DNASE2B: variants seen among roughly 807,000 people sequenced by gnomAD.
DNASE2B encodes the protein deoxyribonuclease-2-beta.
A neutral mutation model predicts 46.0 loss-of-function variants in DNASE2B; 43 were observed. The ratio of observed to expected loss-of-function variants is 0.94; its 90% CI spans 0.73 to 1.21. The LOEUF is 1.21. Among genes scored for constraint, DNASE2B ranks in the 50% most tolerant of loss-of-function variants. DNASE2B has a pLI of 0.00. For synonymous variants in DNASE2B, 156 were observed against 152.5 expected (o/e 1.02, Z -0.17); for missense variants, 395 against 414.4 (o/e 0.95, Z 0.41).
At chr1:84,409,732 C>T (rs942988266) in intron 3 of DNASE2B, among the ~76,000 whole-genome samples, 1 of 152,188 alleles carries the variant, frequency 6.6e-6, no homozygotes, top group African/African-American at 2.4e-5. Context: ...TGCTAACTGC[C>T]ACAAGGCTTT....
intron 1 of DNASE2B, among the ~76,000 whole-genome samples, chr1:84,399,036 T>C (rs191367113): frequency 6.6e-6 from 1 of 152,346 alleles, no homozygotes; most frequent in East Asian, 1.9e-4. Flanking sequence ...TCCAACATCC[T>C]TTGAAAGACT....
chr1:84,405,500 T>C (rs1273793922), intron 2 of DNASE2B, among the ~76,000 whole-genome samples: 1 of 152,178 alleles, frequency 6.6e-6, no homozygotes, highest in Non-Finnish European at 1.5e-5. Context: ...TATCAAGCAA[T>C]TCAACATCTT....
At chr1:84,411,562 C>G (rs1034015013) in intron 4 of DNASE2B, among the ~76,000 whole-genome samples, 1 of 151,616 alleles carries the variant, frequency 6.6e-6, no homozygotes, top group Non-Finnish European at 1.5e-5. Context: ...GTTTTCCAGG[C>G]CACATGTTCC....
At chr1:84,412,652 A>T (rs1680621721) in intron 5 of DNASE2B, 106 bp downstream of exon 5, 4 of 1,130,244 alleles carry the variant, frequency 3.5e-6, no homozygotes, top group Non-Finnish European at 4.8e-6. Flanking sequence ...AGAGATGAAA[A>T]AAGGGAGCAA....
intron 5 of DNASE2B, among the ~76,000 whole-genome samples, chr1:84,414,223 TA>T (rs1680652160): frequency 6.6e-6 from 1 of 152,200 alleles, no homozygotes; most frequent in Non-Finnish European, 1.5e-5. Flanking sequence ...ATTCCTTCTC[TA>T]GACTAATTTT....
chr1:84,414,584 T>A lies in DNASE2B; in HGVS notation c.802T>A (p.Trp268Arg). ...RLKTHLLTET[W>R]QRKRQELPSN... ...GAAGACACACTTGTTAACAGAAACC[T>A]GGCAGCGAAAAAGACAAGAGCTTCC... Residue 268 changes from tryptophan to arginine, a missense_variant, in exon 6 of 6, where the codon TGG (tryptophan) becomes AGG (arginine). Coordinates refer to ENST00000370665, the MANE Select transcript of DNASE2B (RefSeq NM_021233.3). The A allele has an allele frequency of 6.2e-7, 1 of 1,614,136 alleles. No homozygotes were observed. The highest frequency in any genetic ancestry group is 8.5e-7 in the Non-Finnish European group (1 of 1,180,004).
chr1:84,410,236 T>C (rs904482670), intron 3 of DNASE2B, among the ~76,000 whole-genome samples: 1 of 152,228 alleles, frequency 6.6e-6, no homozygotes, highest in Non-Finnish European at 1.5e-5. Context: ...GGCTTTCAAG[T>C]TGTTTATTTT....
At chr1:84,403,744 G>A (rs976701345) in intron 2 of DNASE2B, among the ~76,000 whole-genome samples, 1 of 151,944 alleles carries the variant, frequency 6.6e-6, no homozygotes, top group African/African-American at 2.4e-5. Context: ...TTCAGTGCCC[G>A]TATCACAGAA....
chr1:84,406,434 G>A (rs1680491987), intron 2 of DNASE2B, among the ~76,000 whole-genome samples: 1 of 152,054 alleles, frequency 6.6e-6, no homozygotes, highest in Admixed American at 6.6e-5. Flanking sequence ...ACCCTAGCAG[G>A]GAGACACAGT....
At chr1:84,412,133 T>A (rs748038102) in intron 4 of DNASE2B, among the ~76,000 whole-genome samples, 1 of 152,202 alleles carries the variant, frequency 6.6e-6, no homozygotes, top group Non-Finnish European at 1.5e-5. Context: ...AATAAACCCA[T>A]GTAAAACTTG....
In DNASE2B at chr1:84,412,564, CA is replaced by C. The variant is rs1384980559; in HGVS notation, c.745+21del. On this transcript the variant is annotated intron_variant, in intron 5 of 5. Transcript: ENST00000370665. ...TCTTGACGGTATGAAAGACCATCAT[CA>C]AACAACATGCTGTATAATTCTGCTG... The C allele has an allele frequency of 1.9e-6, 3 of 1,586,742 alleles. No homozygotes were observed. Among genetic ancestry groups the C allele is most frequent in the Admixed American group, 1.7e-5 (1 of 58,568 alleles).
rs1257838402 is a variant in DNASE2B at position 84,398,569 on chromosome 1, A to G, written c.5A>G (p.Lys2Arg). 2 of 1,613,664 alleles carry G rather than the reference A, an allele frequency of 1.2e-6. No individual in the cohort carries two copies. Among genetic ancestry groups the G allele is most frequent in the Non-Finnish European group, 1.7e-6 (2 of 1,179,776 alleles). The change falls in exon 1 of 6, where the codon AAA (lysine) becomes AGA (arginine). Residue 2 changes from lysine to arginine, a missense_variant. Lys to Arg is a conservative substitution (Grantham distance 26, BLOSUM62 2). Coordinates refer to ENST00000370665, the MANE Select transcript of DNASE2B (RefSeq NM_021233.3). M[K>R]QKMMARLLRT... ...TCCTGCTGTGGCATGAAATAAATGAAACAGAAAATGATGGCAAGACTGCTA... is the reference window on the plus strand; with the variant it reads ...TCCTGCTGTGGCATGAAATAAATGAGACAGAAAATGATGGCAAGACTGCTA...
chr1:84,405,083 G>C (rs1000332895), intron 2 of DNASE2B, among the ~76,000 whole-genome samples: 2 of 151,288 alleles, frequency 1.3e-5, no homozygotes, highest in Admixed American at 1.3e-4. Flanking sequence ...GCTGCCTCTT[G>C]GTCAGCAAAA....
At chr1:84,400,281 T>C (rs371478189) in intron 1 of DNASE2B, among the ~76,000 whole-genome samples, 21 of 152,128 alleles carry the variant, frequency 1.4e-4, no homozygotes, top group African/African-American at 4.8e-4. Flanking sequence ...GGCAGGAGAA[T>C]TGCTTGAACC....
chr1:84,411,019 G>C lies in DNASE2B; in HGVS notation c.547+20G>C. 1 of 1,527,712 alleles carries C rather than the reference G, an allele frequency of 6.5e-7. No individual in the cohort carries two copies. The highest frequency in any genetic ancestry group is 8.8e-7 in the Non-Finnish European group (1 of 1,137,984). The allele number at this position is 1,527,712 out of a possible 1,614,324, so 94.6% of individuals were successfully genotyped here. A position where few individuals can be genotyped will look rare whatever the true frequency, so the allele number is the denominator to read the frequency against. ...CAATAGGTAAAACTAAAGTATGTGA[G>C]AAAAAAAACGATAACTATGTTGAAG... On this transcript the variant is annotated intron_variant, in intron 4 of 5. Coordinates refer to ENST00000370665, the MANE Select transcript of DNASE2B (RefSeq NM_021233.3).
intron 3 of DNASE2B, 78 bp from the exon 4 acceptor site, chr1:84,410,760 A>T: frequency 7.1e-7 from 1 of 1,412,162 alleles, no homozygotes. Flanking sequence ...AAATGGGCTT[A>T]AATGTTGCCA....
intron 2 of DNASE2B, among the ~76,000 whole-genome samples, chr1:84,407,042 G>A (rs952196206): frequency 6.6e-6 from 1 of 152,124 alleles, no homozygotes; most frequent in African/African-American, 2.4e-5. Flanking sequence ...AAACAATACT[G>A]AACATATGTG....
chr1:84,411,308 G>A (rs927031034), intron 4 of DNASE2B, among the ~76,000 whole-genome samples: 2 of 152,000 alleles, frequency 1.3e-5, no homozygotes, highest in African/African-American at 2.4e-5. Flanking sequence ...GATGAACTGG[G>A]GTGTTGACTC....
intron 3 of DNASE2B, 135 bp downstream of exon 3, chr1:84,408,653 G>C (rs1680536096): frequency 3.2e-6 from 2 of 620,794 alleles, no homozygotes; most frequent in Non-Finnish European, 4.9e-6. Flanking sequence ...TTATTGAAAT[G>C]TATGACTTCT....
Sources: allele counts gnomAD v4.1 joint callset (sites outside exome capture counted in the v4.1 genomes callset), GRCh38; gene constraint gnomAD v4.1.1; transcripts MANE v1.5; gene names NCBI Gene and HGNC (gene_info 2026-07-23, HGNC 2026-07-21).